Variants in RAB37 observed in about 807,000 individuals in gnomAD.
RAB37 encodes the protein RAB37, member RAS oncogene family, also known as ras-related protein Rab-37.
Under a neutral mutation model 33.1 loss-of-function variants are expected in RAB37, and 29 were observed. The observed-to-expected ratio is 0.88, with a 90% CI of 0.65 to 1.20. The LOEUF is 1.20. Ranked by LOEUF, RAB37 falls within the 50% of genes most tolerant of loss-of-function variation. The pLI is 0.00. For synonymous variants in RAB37, 128 were observed against 119.5 expected (o/e 1.07, Z -0.47); for missense variants, 299 against 301.1 (o/e 0.99, Z 0.05).
chr17:74,734,978 AAAG>A (rs896128743), upstream of RAB37, among the ~76,000 whole-genome samples: 2 of 137,552 alleles, frequency 1.5e-5, no homozygotes, highest in African/African-American at 5.5e-5. Flanking sequence ...AAAAAGAAAG[AAAG>A]AAAAAGAAAG....
At position 74,729,331 on chromosome 17, in the gene RAB37, G is replaced by A. The variant is rs753157903; in HGVS notation, c.148G>A (p.Gly50Ser). The stretch of plus-strand genomic sequence containing the variant: ...GTTCGATCAGGGCAAGTTCATCCCC[G>A]GCTCCTTCTCGGCCACTGTGGGCAT... The change falls in exon 2 of 8, where the codon GGC (glycine) becomes AGC (serine). Residue 50 changes from glycine to serine, a missense_variant. By Grantham distance (56) the Gly-to-Ser change is moderately conservative. Coordinates refer to the RAB37 transcript ENST00000340415. The surrounding 1 kb of genome is among the most constrained non-coding windows in gnomAD (Gnocchi z 4.2). 58 of 1,613,900 alleles carry A rather than the reference G, an allele frequency of 3.6e-5. No homozygotes were observed. Among genetic ancestry groups the A allele is most frequent in the Admixed American group, 5.0e-5 (3 of 59,996 alleles).
chr17:74,683,519 T>A (rs1222568990), intron 1 of RAB37, among the ~76,000 whole-genome samples: 4 of 152,262 alleles, frequency 2.6e-5, no homozygotes, highest in Non-Finnish European at 5.9e-5. Flanking sequence ...GTATGCCACC[T>A]ACAAAGTCAC....
chr17:74,737,128 G>T (rs760789837), upstream of RAB37: 9 of 1,595,836 alleles, frequency 5.6e-6, no homozygotes, highest in Non-Finnish European at 7.7e-6. Context: ...GTCCGAGCCG[G>T]TGTCGTCGAG....
At chr17:74,719,714 C>G (rs1014338333) in intron 1 of RAB37, among the ~76,000 whole-genome samples, 4 of 152,102 alleles carry the variant, frequency 2.6e-5, no homozygotes, top group Non-Finnish European at 5.9e-5. Context: ...ATAGGGTCTT[C>G]CTATGTTTTC....
chr17:74,707,045 T>C (rs1485107715), intron 1 of RAB37, among the ~76,000 whole-genome samples: 1 of 152,112 alleles, frequency 6.6e-6, no homozygotes, highest in Non-Finnish European at 1.5e-5. Context: ...GAAGAAAACC[T>C]AATGGAAAAG....
rs546155007 is a variant in RAB37 at position 74,699,857 on chromosome 17, C to A, written c.72+28199C>A. ...CCCTCTCTTTCTCAAAATTCTGCAA[C>A]AGGCCAGGCACAGTGGCTCATACCT... On this transcript the variant is annotated intron_variant, in intron 1 of 7. Transcript: ENST00000340415. Among the ~76,000 whole-genome samples the A allele has an allele frequency of 2.0e-5, 3 of 152,064 alleles. No individual in the cohort carries two copies. The East Asian group carries it at 5.8e-4, about 30-fold the overall frequency.
rs762740730 is a variant in RAB37 at position 74,745,013 on chromosome 17, C to A, written c.495C>A (p.Tyr165Ter). The A allele has an allele frequency of 6.2e-7, 1 of 1,614,244 alleles. No individual in the cohort carries two copies. The highest frequency in any genetic ancestry group is 2.2e-5 in the East Asian group (1 of 44,890). ...SEDGETLARE[Y>*]GVPFLETSAK... is the part of the protein sequence containing the mutation. ...GGACACTCTCTCCCGGGCAGGAGTA[C>A]GGTGTTCCCTTCCTGGAGACCAGCG... The change falls in exon 8 of 9, where the codon TAC becomes TAA. Residue 165 changes from tyrosine (Y) to a stop codon, truncating the protein, a stop_gained. Transcript: ENST00000392613. LOFTEE classifies it high-confidence loss of function. This position sits in a 1 kb window ranked among gnomAD's most constrained non-coding sequence, Gnocchi z 4.5.
At chr17:74,724,326 C>A (rs542346706) in intron 1 of RAB37, among the ~76,000 whole-genome samples, 153 of 152,320 alleles carry the variant, frequency 1.0e-3, no homozygotes, top group African/African-American at 3.6e-3. Flanking sequence ...TAGTTGCATT[C>A]TTTTGAGTTT....
intron 1 of RAB37, among the ~76,000 whole-genome samples, chr17:74,722,341 T>G (rs2034253952): frequency 6.7e-6 from 1 of 148,924 alleles, no homozygotes; most frequent in Admixed American, 6.7e-5. Flanking sequence ...CTTACATGAC[T>G]GGGGGCTGGC....
At chr17:74,681,112 T>C (rs2031946386) in intron 1 of RAB37, among the ~76,000 whole-genome samples, 1 of 152,370 alleles carries the variant, frequency 6.6e-6, no homozygotes, top group South Asian at 2.1e-4. Context: ...ATCAGAGGGA[T>C]GGCACAGGCA....
At chr17:74,728,542 TTG>T (rs1011429134) in intron 1 of RAB37, among the ~76,000 whole-genome samples, 11 of 151,846 alleles carry the variant, frequency 7.2e-5, no homozygotes, top group East Asian at 3.9e-4. Flanking sequence ...GTGCATGTGT[TTG>T]TGTGTGTGCC....
At chr17:74,706,305 A>T (rs1201894274) in intron 1 of RAB37, among the ~76,000 whole-genome samples, 1 of 150,484 alleles carries the variant, frequency 6.6e-6, no homozygotes, top group Non-Finnish European at 1.5e-5. Flanking sequence ...ATATATCCCA[A>T]AGTGCTGCGA....
chr17:74,700,527 G>C (rs1015473299), intron 1 of RAB37, among the ~76,000 whole-genome samples: 1 of 152,102 alleles, frequency 6.6e-6, no homozygotes, highest in African/African-American at 2.4e-5. Context: ...GATCACATGA[G>C]GTCGGGAGTT....
intron 1 of RAB37, among the ~76,000 whole-genome samples, chr17:74,715,171 C>T (rs2034150232): frequency 6.6e-6 from 1 of 152,152 alleles, no homozygotes; most frequent in South Asian, 2.1e-4. Context: ...ACCTTTCTCA[C>T]CTTCTGCACC....
chr17:74,713,104 A>C, intron 1 of RAB37: 2 of 500,642 alleles, frequency 4.0e-6, no homozygotes, highest in South Asian at 2.1e-5. Flanking sequence ...CAGGAGTTCA[A>C]GATCAGCCTG....
At chr17:74,681,156 G>C (rs1224624183) in intron 1 of RAB37, among the ~76,000 whole-genome samples, 5 of 152,254 alleles carry the variant, frequency 3.3e-5, no homozygotes, top group African/African-American at 9.6e-5. Context: ...CTGCAGCTCA[G>C]TGTGCCACGT....
rs150689939 is a variant in RAB37 at position 74,698,008 on chromosome 17, C to G, written c.72+26350C>G. Among the ~76,000 whole-genome samples, 527 of 152,272 alleles carry G rather than the reference C, an allele frequency of 3.5e-3. 6 individuals are homozygous for G. Among genetic ancestry groups the G allele is most frequent in the African/African-American group, 0.012 (505 of 41,538 alleles). On this transcript the variant is annotated intron_variant, in intron 1 of 7. Transcript: ENST00000340415. ...CCATGTCAGCTCAGTACCTCCTTGA[C>G]AACCACATAGACCCAACTCTAGCGT...
At position 74,732,168 on chromosome 17, in the gene RAB37, C is replaced by T. The variant is rs564744695; in HGVS notation, c.183+2802C>T. On this transcript the variant is annotated intron_variant, in intron 2 of 7. Coordinates refer to the RAB37 transcript ENST00000340415. ...CAGTGGTTTTCGAACACTCCTTCAG[C>T]GCACATAAAAGCCTCCAGGGGGAAG... Among the ~76,000 whole-genome samples the T allele has an allele frequency of 7.2e-5, 11 of 152,324 alleles. No individual in the cohort carries two copies. The South Asian group carries it at 1.7e-3, about 23-fold the overall frequency.
intron 1 of RAB37, among the ~76,000 whole-genome samples, chr17:74,711,030 C>A (rs2033922071): frequency 6.6e-6 from 1 of 152,018 alleles, no homozygotes; most frequent in Non-Finnish European, 1.5e-5. Flanking sequence ...CAGACTGAGA[C>A]CCCAACTCAA....
Sources: gnomAD v4.1 joint callset for allele counts (sites outside exome capture counted in the v4.1 genomes callset) on GRCh38, gnomAD v4.1.1 for gene constraint, Gnocchi (gnomAD v3.1) non-coding constraint, MANE v1.5 for transcripts, NCBI Gene and HGNC (gene_info 2026-07-23, HGNC 2026-07-21) for gene names.